The following PXDNL variants were observed in gnomAD, a reference collection of about 807,000 sequenced individuals.
PXDNL encodes the protein probable oxidoreductase PXDNL.
A neutral mutation model predicts 150.8 loss-of-function variants in PXDNL; 145 were observed. That is an observed-to-expected ratio of 0.96 (90% CI 0.84 to 1.10). The LOEUF (loss-of-function observed/expected upper bound fraction) is 1.10, where lower values mean the gene tolerates loss of function less well. PXDNL is among the 50% of genes least tolerant of loss of function. The pLI is 0.00. For missense variants in PXDNL, 2,087 were observed against 1,873.9 expected, an observed-to-expected ratio of 1.11 and a Z score of -2.10; for synonymous variants, 757 against 725.7, an observed-to-expected ratio of 1.04 and a Z score of -0.69.
intron 2 of PXDNL, among the ~76,000 whole-genome samples, chr8:51,621,840 G>A (rs1356779138): frequency 6.6e-6 from 1 of 151,358 alleles, no homozygotes; most frequent in African/African-American, 2.4e-5. Context: ...TCAGGAGGCT[G>A]AGGTGACAGG....
chr8:51,493,027 C>T (rs948690004), intron 5 of PXDNL, among the ~76,000 whole-genome samples: 1 of 152,138 alleles, frequency 6.6e-6, no homozygotes, highest in African/African-American at 2.4e-5. Flanking sequence ...CTGGGAGGCA[C>T]CCCCCAGTAG....
At chr8:51,687,605 G>C (rs1489998210) in intron 1 of PXDNL, among the ~76,000 whole-genome samples, 1 of 152,184 alleles carries the variant, frequency 6.6e-6, no homozygotes, top group South Asian at 2.1e-4. Flanking sequence ...GATTCCACTT[G>C]ACCCAACAGT....
intron 2 of PXDNL, among the ~76,000 whole-genome samples, chr8:51,652,742 G>A (rs1344538624): frequency 6.6e-6 from 1 of 152,110 alleles, no homozygotes; most frequent in Non-Finnish European, 1.5e-5. Context: ...TATAGATAAT[G>A]TATATAAAGC....
intron 1 of PXDNL, among the ~76,000 whole-genome samples, chr8:51,736,792 A>G (rs1042082583): frequency 6.6e-6 from 1 of 152,220 alleles, no homozygotes; most frequent in Non-Finnish European, 1.5e-5. Flanking sequence ...CCTTATTTCA[A>G]CAAATATTCA....
chr8:51,739,653 T>C (rs1054696828), intron 1 of PXDNL, among the ~76,000 whole-genome samples: 1 of 151,958 alleles, frequency 6.6e-6, no homozygotes, highest in Non-Finnish European at 1.5e-5. Context: ...GGCGGGTGGA[T>C]CACAAGGTCA....
intron 12 of PXDNL, among the ~76,000 whole-genome samples, chr8:51,441,229 T>C (rs964214120): frequency 1.3e-5 from 2 of 152,186 alleles, no homozygotes; most frequent in Admixed American, 1.3e-4. Flanking sequence ...AATTGTAAGT[T>C]TCCTGAGGCC....
At chr8:51,365,528 C>G (rs1344155335) in intron 19 of PXDNL, among the ~76,000 whole-genome samples, 1 of 152,166 alleles carries the variant, frequency 6.6e-6, no homozygotes, top group Non-Finnish European at 1.5e-5. Context: ...ACTCCAAGCT[C>G]TTGGTATTAT....
chr8:51,423,054 A>G (rs1321272440), intron 14 of PXDNL, among the ~76,000 whole-genome samples: 1 of 152,260 alleles, frequency 6.6e-6, no homozygotes, highest in African/African-American at 2.4e-5. Flanking sequence ...TTCCAGCTAT[A>G]TAACCAGATT....
At chr8:51,512,933 C>A (rs1811452967) in intron 4 of PXDNL, among the ~76,000 whole-genome samples, 1 of 12,736 alleles carries the variant, frequency 7.9e-5, no homozygotes, top group Non-Finnish European at 1.4e-3. Flanking sequence ...TTCCTCCCAC[C>A]AACAGGGGCA....
intron 19 of PXDNL, among the ~76,000 whole-genome samples, chr8:51,360,572 G>A (rs746262483): frequency 6.6e-6 from 1 of 152,158 alleles, no homozygotes; most frequent in Non-Finnish European, 1.5e-5. Flanking sequence ...CACGTACACA[G>A]TTATATACAC....
chr8:51,533,280 A>G (rs1334392353), intron 4 of PXDNL, among the ~76,000 whole-genome samples: 1 of 151,880 alleles, frequency 6.6e-6, no homozygotes, highest in East Asian at 1.9e-4. Flanking sequence ...CCTCCAGAGT[A>G]GCTAGGATCA....
At chr8:51,396,806 C>T (rs571767111) in intron 17 of PXDNL, among the ~76,000 whole-genome samples, 1 of 152,236 alleles carries the variant, frequency 6.6e-6, no homozygotes, top group Non-Finnish European at 1.5e-5. Context: ...ACCATTCATA[C>T]TGTAGTCCAG....
intron 5 of PXDNL, among the ~76,000 whole-genome samples, chr8:51,490,373 T>A (rs1810861977): frequency 6.6e-6 from 1 of 151,998 alleles, no homozygotes; most frequent in Admixed American, 6.6e-5. Context: ...CAGCAAGAAA[T>A]TTCATTGTAG....
chr8:51,609,475 G>T (rs1813949869), intron 2 of PXDNL, among the ~76,000 whole-genome samples: 1 of 152,138 alleles, frequency 6.6e-6, no homozygotes, highest in Non-Finnish European at 1.5e-5. Flanking sequence ...ATGTTGGGAG[G>T]GGTGATGTCC....
chr8:51,692,683 C>G (rs1276330382), intron 1 of PXDNL, among the ~76,000 whole-genome samples: 1 of 152,132 alleles, frequency 6.6e-6, no homozygotes, highest in African/African-American at 2.4e-5. Flanking sequence ...ATGCCAACAC[C>G]GTAATTCTAA....
rs188479952 is a variant in PXDNL at position 51,449,147 on chromosome 8, T to C, written c.1250-29A>G. 213 of 1,267,244 alleles carry C rather than the reference T, an allele frequency of 1.7e-4. No individual in the cohort carries two copies. The African/African-American group carries it at 2.7e-3, about 16-fold the overall frequency. 78.5% of individuals were successfully genotyped at this position (1,267,244 alleles called of 1,614,324 possible). On this transcript the variant is annotated intron_variant, in intron 10 of 22. Transcript: ENST00000356297. ...AAGAGAATGAAACATACATCAAAAT[T>C]GAAAATTATTTTACAAATTTTCAGT...
intron 4 of PXDNL, among the ~76,000 whole-genome samples, chr8:51,522,903 G>A (rs1167514491): frequency 1.3e-5 from 2 of 151,590 alleles, no homozygotes; most frequent in Non-Finnish European, 2.9e-5. Context: ...TGTAATAGAA[G>A]TCTCTTTCCA....
chr8:51,723,153 C>A (rs1395205665), intron 1 of PXDNL, among the ~76,000 whole-genome samples: 2 of 151,816 alleles, frequency 1.3e-5, no homozygotes, highest in African/African-American at 4.8e-5. Flanking sequence ...AGCAGAACAT[C>A]TGGGGGAAAA....
intron 4 of PXDNL, among the ~76,000 whole-genome samples, chr8:51,530,168 G>A (rs1407489541): frequency 6.6e-6 from 1 of 152,160 alleles, no homozygotes; most frequent in East Asian, 1.9e-4. Context: ...CTAGTTGGGA[G>A]ACCAATATTT....
Sources: gnomAD v4.1 joint callset for allele counts (sites outside exome capture counted in the v4.1 genomes callset) on GRCh38, gnomAD v4.1.1 for gene constraint, MANE v1.5 for transcripts, NCBI Gene and HGNC (gene_info 2026-07-23, HGNC 2026-07-21) for gene names.